The following HIVEP3 variants were observed in gnomAD, a reference collection of about 807,000 sequenced individuals.
HIVEP3 encodes the protein transcription factor HIVEP3.
A neutral mutation model predicts 152.8 loss-of-function variants in HIVEP3; 49 were observed. The ratio of observed to expected loss-of-function variants is 0.32; its 90% CI spans 0.26 to 0.41. HIVEP3 has a LOEUF of 0.41. HIVEP3 is among the 10% of genes least tolerant of loss of function. The pLI, the probability that HIVEP3 is intolerant of heterozygous loss-of-function variation, is 1.00. For synonymous variants in HIVEP3, 1,269 were observed against 1,289.0 expected (o/e 0.98, Z 0.33); for missense variants, 2,790 against 3,103.3 (o/e 0.90, Z 2.40).
At chr1:41,725,013 A>G (rs1031702117) in intron 1 of HIVEP3, among the ~76,000 whole-genome samples, 1 of 152,256 alleles carries the variant, frequency 6.6e-6, no homozygotes, top group Non-Finnish European at 1.5e-5. Context: ...GGGAAGAAAG[A>G]CCAGCTGTTT....
intron 2 of HIVEP3, among the ~76,000 whole-genome samples, chr1:41,636,258 A>C (rs1466992364): frequency 1.3e-5 from 2 of 152,242 alleles, no homozygotes; most frequent in Non-Finnish European, 2.9e-5. Context: ...CAGAATGAGG[A>C]AGGGTGGAGA....
At chr1:41,954,898 T>C (rs1191536145) in intron 1 of HIVEP3, among the ~76,000 whole-genome samples, 1 of 152,116 alleles carries the variant, frequency 6.6e-6, no homozygotes, top group African/African-American at 2.4e-5. Flanking sequence ...GCTTGGGACG[T>C]GAGTCACACT....
intron 2 of HIVEP3, among the ~76,000 whole-genome samples, chr1:41,650,288 G>T (rs1340473134): frequency 1.3e-4 from 20 of 152,204 alleles, no homozygotes; most frequent in Non-Finnish European, 2.9e-5. Context: ...TGACAGAGCA[G>T]TGGCATGTGT....
intron 3 of HIVEP3, among the ~76,000 whole-genome samples, chr1:41,593,081 G>T (rs1344069664): frequency 6.6e-6 from 1 of 152,220 alleles, no homozygotes; most frequent in African/African-American, 2.4e-5. Context: ...GAGACCAGAA[G>T]TTCCAAAGAC....
chr1:41,775,279 A>C (rs891210224), intron 1 of HIVEP3, among the ~76,000 whole-genome samples: 2 of 152,210 alleles, frequency 1.3e-5, no homozygotes, highest in African/African-American at 4.8e-5. Flanking sequence ...TTTGTGGAAG[A>C]AGACATTTCT....
Position 41,727,789 on chromosome 1 carries a change from C to T in HIVEP3, c.-800-26794G>A, listed in dbSNP as rs572573871. Among the ~76,000 whole-genome samples, 9 of 152,308 alleles carry T rather than the reference C, an allele frequency of 5.9e-5. No individual in the cohort carries two copies. The South Asian group carries it at 8.3e-4, about 14-fold the overall frequency. ...AGAGCCCCAAGCCCTGGGCTGGAGT[C>T]GTAGTCAGCTACTTCCTGCTGGGTC... On this transcript the variant is annotated intron_variant, in intron 1 of 8. Coordinates refer to ENST00000372583, the MANE Select transcript of HIVEP3 (RefSeq NM_024503.5).
chr1:41,855,285 G>A (rs1214534656), intron 1 of HIVEP3, among the ~76,000 whole-genome samples: 1 of 152,060 alleles, frequency 6.6e-6, no homozygotes, highest in Non-Finnish European at 1.5e-5. Flanking sequence ...GTGATGATGA[G>A]CATTTCTTCA....
chr1:41,860,668 C>T (rs1042203892), intron 1 of HIVEP3, among the ~76,000 whole-genome samples: 2 of 152,150 alleles, frequency 1.3e-5, no homozygotes, highest in African/African-American at 4.8e-5. Context: ...TTCAGAGGAC[C>T]TTCTACATTT....
At chr1:41,929,428 TTACTTTC>T (rs1447179327) in intron 1 of HIVEP3, among the ~76,000 whole-genome samples, 2 of 152,070 alleles carry the variant, frequency 1.3e-5, no homozygotes, top group Non-Finnish European at 2.9e-5. Context: ...CAGCACTTTC[TTACTTTC>T]TAGCACCAGA....
At chr1:41,787,198 T>C (rs544984079) in intron 1 of HIVEP3, among the ~76,000 whole-genome samples, 3 of 152,176 alleles carry the variant, frequency 2.0e-5, no homozygotes, top group Non-Finnish European at 4.4e-5. Context: ...GGTACCAAAA[T>C]AATGCCCGTG....
chr1:41,700,175 C>T (rs1042572588), intron 2 of HIVEP3, among the ~76,000 whole-genome samples: 6 of 152,286 alleles, frequency 3.9e-5, no homozygotes, highest in South Asian at 2.1e-4. Context: ...ATTTGCACAT[C>T]GATCTCCTCC....
chr1:41,595,630 G>A (rs1644654907), intron 3 of HIVEP3, among the ~76,000 whole-genome samples: 3 of 152,196 alleles, frequency 2.0e-5, no homozygotes, highest in Non-Finnish European at 4.4e-5. Context: ...TGGATTGAAG[G>A]ATGAAGAGGG....
chr1:41,600,251 A>G (rs1331814562), intron 3 of HIVEP3, among the ~76,000 whole-genome samples: 1 of 152,224 alleles, frequency 6.6e-6, no homozygotes, highest in Non-Finnish European at 1.5e-5. Flanking sequence ...AGAGTCTCAA[A>G]GAGATATGTG....
rs573670812 is a variant in HIVEP3, at chr1:41,713,006, C to T, written c.-800-12011G>A. ...AGTCTTGGTGTCAGACACACGTGGTCCTTCCACTTCTGAGATGTGTGACCT... is the reference window on the plus strand; with the variant it reads ...AGTCTTGGTGTCAGACACACGTGGTTCTTCCACTTCTGAGATGTGTGACCT... On this transcript the variant is annotated intron_variant, in intron 1 of 8. Coordinates refer to ENST00000372583, the MANE Select transcript of HIVEP3 (RefSeq NM_024503.5). Among the ~76,000 whole-genome samples the T allele has an allele frequency of 1.2e-4, 18 of 152,132 alleles. 1 individual carries two copies. In the South Asian group the frequency reaches 3.5e-3, roughly 30 times the overall value.
chr1:41,929,397 C>T (rs1283952314), intron 1 of HIVEP3, among the ~76,000 whole-genome samples: 1 of 151,954 alleles, frequency 6.6e-6, no homozygotes, highest in African/African-American at 2.4e-5. Flanking sequence ...TCTGCATATT[C>T]CCATTGTTGT....
chr1:42,013,096 C>A (rs540951270), intron 1 of HIVEP3, among the ~76,000 whole-genome samples: 3 of 152,288 alleles, frequency 2.0e-5, no homozygotes, highest in African/African-American at 7.2e-5. Context: ...TTGCTCCTCC[C>A]GAGGGCTGAA....
chr1:41,958,319 T>C (rs749195527), intron 1 of HIVEP3, among the ~76,000 whole-genome samples: 1 of 152,196 alleles, frequency 6.6e-6, no homozygotes. Context: ...AGCGAGACAA[T>C]GCCATTGTAA....
intron 1 of HIVEP3, among the ~76,000 whole-genome samples, chr1:41,933,405 A>T (rs1450539184): frequency 6.6e-6 from 1 of 152,038 alleles, no homozygotes; most frequent in East Asian, 1.9e-4. Context: ...GCCCTTTATA[A>T]TTATTTGATG....
intron 3 of HIVEP3, among the ~76,000 whole-genome samples, chr1:41,600,873 C>A (rs1283105748): frequency 6.6e-6 from 1 of 152,082 alleles, no homozygotes; most frequent in African/African-American, 2.4e-5. Context: ...GGTTTTACAT[C>A]CAAGTCTTTA....
Sources: gnomAD v4.1 joint callset for allele counts (sites outside exome capture counted in the v4.1 genomes callset) on GRCh38, gnomAD v4.1.1 for gene constraint, MANE v1.5 for transcripts, NCBI Gene and HGNC (gene_info 2026-07-23, HGNC 2026-07-21) for gene names.